ST7: variants seen among roughly 807,000 people sequenced by gnomAD.
ST7 encodes suppressor of tumorigenicity 7 protein.
ST7 carries 28 observed loss-of-function variants against 78.7 expected under a neutral mutation model. That is an observed-to-expected ratio of 0.36 (90% CI 0.26 to 0.49). The LOEUF (loss-of-function observed/expected upper bound fraction) is 0.49, where lower values mean the gene tolerates loss of function less well. Ranked by LOEUF, ST7 falls within the 20% of genes least tolerant of loss-of-function variation. The pLI is 0.99. For missense variants in ST7, 418 were observed against 696.0 expected, an observed-to-expected ratio of 0.60 and a Z score of 4.49; for synonymous variants, 247 against 249.6, an observed-to-expected ratio of 0.99 and a Z score of 0.10.
intron 1 of ST7, among the ~76,000 whole-genome samples, chr7:117,066,924 C>T (rs1242319965): frequency 6.6e-6 from 1 of 152,000 alleles, no homozygotes; most frequent in South Asian, 2.1e-4. Context: ...TCACCATTCT[C>T]TGGAAACCAC....
intron 15 of ST7, chr7:117,223,011 A>C: frequency 1.4e-6 from 2 of 1,478,034 alleles, no homozygotes; most frequent in South Asian, 1.1e-5. Flanking sequence ...CACCACCAAA[A>C]CTGCTCCTCC....
intron 1 of ST7, among the ~76,000 whole-genome samples, chr7:117,043,282 T>C (rs887791586): frequency 2.6e-5 from 4 of 152,208 alleles, no homozygotes; most frequent in African/African-American, 7.2e-5. Flanking sequence ...GGAATAAAGA[T>C]GAATTATTTT....
chr7:117,017,739 G>T (rs1345879624), intron 1 of ST7, among the ~76,000 whole-genome samples: 1 of 152,014 alleles, frequency 6.6e-6, no homozygotes, highest in African/African-American at 2.4e-5. Context: ...CCTTCTCTGA[G>T]CTGACTAGAG....
At chr7:117,078,044 T>G (rs191303362) in intron 1 of ST7, among the ~76,000 whole-genome samples, 136 of 152,300 alleles carry the variant, frequency 8.9e-4, no homozygotes, top group South Asian at 1.5e-3. Context: ...GAAAAGAGCC[T>G]TGTAGTTCAA....
intron 10 of ST7, among the ~76,000 whole-genome samples, chr7:117,185,664 G>A (rs573906657): frequency 7.8e-4 from 118 of 152,240 alleles, no homozygotes; most frequent in African/African-American, 2.6e-3. Flanking sequence ...AGTGGCTCGC[G>A]CCTGTAATCC....
chr7:117,179,702 G>T (rs1265080255), intron 10 of ST7, among the ~76,000 whole-genome samples: 1 of 151,630 alleles, frequency 6.6e-6, no homozygotes, highest in Non-Finnish European at 1.5e-5. Flanking sequence ...AGCTGGGGGT[G>T]TGGGGGGGTA....
At chr7:117,031,872 ATATATATATATT>A (rs1796609838) in intron 1 of ST7, among the ~76,000 whole-genome samples, 3 of 138,404 alleles carry the variant, frequency 2.2e-5, no homozygotes, top group Middle Eastern at 3.8e-3. Context: ...CTATCTATCT[ATATATATATATT>A]TTTTTTTTTT....
At chr7:117,097,908 A>ATATATATATATATATATTTTTTT in intron 1 of ST7, among the ~76,000 whole-genome samples, 4 of 30,008 alleles carry the variant, frequency 1.3e-4, no homozygotes, top group Non-Finnish European at 1.6e-4. Context: ...ATATATATAT[A>ATATATATATATATATATTTTTTT]TTTTTTTTTT....
chr7:117,040,374 AAAAAAAAAGAGTTAG>A (rs1473190660), intron 1 of ST7, among the ~76,000 whole-genome samples: 1 of 151,406 alleles, frequency 6.6e-6, no homozygotes, highest in Admixed American at 6.6e-5. Context: ...TTCTGTCTCA[AAAAAAAAAGAGTTAG>A]AAACATTCAC....
Position 117,134,172 on chromosome 7 carries a change from G to T in ST7, c.690G>T (p.Trp230Cys). Residue 230 changes from tryptophan to cysteine, a missense_variant, in exon 7 of 16, where the codon TGG (tryptophan) becomes TGT (cysteine). Coordinates refer to ENST00000323984, the MANE Select transcript of ST7 (RefSeq NM_001369598.1). ...EVPLIASSTI[W>C]EIKLLPKCAT... is the part of the protein sequence containing the mutation. ...CCCTAATTGCTTCCTCTACCATCTG[G>T]GAGATAAAATTGTTACCAAAGTAAG... 1 of 1,611,964 alleles carries T rather than the reference G, an allele frequency of 6.2e-7. No homozygotes were observed. Among genetic ancestry groups the T allele is most frequent in the Non-Finnish European group, 8.5e-7 (1 of 1,178,756 alleles).
Position 116,956,729 on chromosome 7 carries a change from T to A in ST7, c.151+3038T>A, listed in dbSNP as rs1236173036. ...TCATTTGATCATATTTTATGGTAAA[T>A]GAGCTTAACTCGATTTTTTTTTAAT... On this transcript the variant is annotated intron_variant, in intron 1 of 15. Coordinates refer to ENST00000323984, the MANE Select transcript of ST7 (RefSeq NM_001369598.1). 8 of 450,872 alleles carry A rather than the reference T, an allele frequency of 1.8e-5. No homozygotes were observed. The Admixed American group carries it at 2.1e-4, about 12-fold the overall frequency. 27.9% of individuals were successfully genotyped at this position (450,872 alleles called of 1,614,324 possible).
chr7:117,041,678 C>G (rs1425416627), intron 1 of ST7, among the ~76,000 whole-genome samples: 1 of 151,920 alleles, frequency 6.6e-6, no homozygotes, highest in Non-Finnish European at 1.5e-5. Flanking sequence ...CATATTTTGC[C>G]TTAAAGAAAA....
chr7:117,095,342 A>G (rs1392800628), intron 1 of ST7, among the ~76,000 whole-genome samples: 1 of 152,120 alleles, frequency 6.6e-6, no homozygotes. Flanking sequence ...GTGATTCTTC[A>G]CTTCCCACAG....
rs545800802 is a variant in ST7 at position 117,111,120 on chromosome 7, C to A, written c.235-8441C>A. Among the ~76,000 whole-genome samples, 12 of 152,230 alleles carry A rather than the reference C, an allele frequency of 7.9e-5. No homozygotes were observed. The East Asian group carries it at 2.1e-3, about 27-fold the overall frequency. ...TTAGGGACTCAGCTTTGCCAGGCCT[C>A]GAAATGAACCCAGGGTAAGGTTTCT... On this transcript the variant is annotated intron_variant, in intron 2 of 15. Transcript: ENST00000323984.
chr7:117,125,035 C>T (rs1481645629), intron 3 of ST7, among the ~76,000 whole-genome samples: 7 of 152,124 alleles, frequency 4.6e-5, no homozygotes, highest in Admixed American at 1.3e-4. Context: ...GGGCTGCTCT[C>T]TAATAGTCTT....
At chr7:117,074,281 C>T (rs1037327735) in intron 1 of ST7, among the ~76,000 whole-genome samples, 4 of 152,158 alleles carry the variant, frequency 2.6e-5, no homozygotes, top group Non-Finnish European at 2.9e-5. Context: ...CTCCCACCTA[C>T]TTTGGAGGTT....
At chr7:117,124,246 A>C (rs1482120526) in intron 3 of ST7, among the ~76,000 whole-genome samples, 1 of 152,148 alleles carries the variant, frequency 6.6e-6, no homozygotes, top group Non-Finnish European at 1.5e-5. Context: ...TTCCAATAAT[A>C]ATAACTAACA....
At chr7:117,060,197 C>T (rs1017129286) in intron 1 of ST7, among the ~76,000 whole-genome samples, 2 of 151,952 alleles carry the variant, frequency 1.3e-5, no homozygotes, top group Non-Finnish European at 2.9e-5. Flanking sequence ...GCACACAGAC[C>T]TTGGGTGGGG....
At chr7:117,110,347 G>A (rs1382675064) in intron 2 of ST7, among the ~76,000 whole-genome samples, 8 of 152,172 alleles carry the variant, frequency 5.3e-5, no homozygotes, top group African/African-American at 1.9e-4. Context: ...TCAGAGGAGG[G>A]TCACTGAAGA....
Sources: allele counts gnomAD v4.1 joint callset (sites outside exome capture counted in the v4.1 genomes callset), GRCh38; gene constraint gnomAD v4.1.1; transcripts MANE v1.5; gene names NCBI Gene and HGNC (gene_info 2026-07-23, HGNC 2026-07-21).